The following SYNDIG1 variants were observed in gnomAD, a reference collection of about 807,000 sequenced individuals.
The protein encoded by SYNDIG1 is synapse differentiation inducing 1, also known as synapse differentiation-inducing gene protein 1.
SYNDIG1 carries 9 observed loss-of-function variants against 19.4 expected under a neutral mutation model. That is an observed-to-expected ratio of 0.46 (90% CI 0.28 to 0.81). The LOEUF (loss-of-function observed/expected upper bound fraction) is 0.81. Among genes scored for constraint, SYNDIG1 ranks in the 30% least tolerant of loss-of-function variants. SYNDIG1 has a pLI of 0.12. For missense variants in SYNDIG1, 311 were observed against 343.3 expected, an observed-to-expected ratio of 0.91 and a Z score of 0.74; for synonymous variants, 141 against 145.9, an observed-to-expected ratio of 0.97 and a Z score of 0.24.
chr20:24,557,282 T>C (rs1297363820), intron 2 of SYNDIG1, among the ~76,000 whole-genome samples: 1 of 152,236 alleles, frequency 6.6e-6, no homozygotes, highest in Non-Finnish European at 1.5e-5. Flanking sequence ...GGTTTGATCA[T>C]CTGAAGCCTT....
Position 24,543,323 on chromosome 20 carries a change from C to G in SYNDIG1, c.226C>G (p.Pro76Ala), listed in dbSNP as rs748359959. The G allele has an allele frequency of 6.2e-7, 1 of 1,613,490 alleles. No individual in the cohort carries two copies. Among genetic ancestry groups the G allele is most frequent in the Admixed American group, 1.7e-5 (1 of 60,008 alleles). ...RSEPMQQLLD[P>A]NTLQQSVESR... ...TGAGCCGATGCAGCAGCTGCTGGAC[C>G]CCAACACCCTGCAGCAGTCAGTGGA... Residue 76 changes from proline to alanine, a missense_variant, in exon 2 of 4, where the codon CCC becomes GCC. Coordinates refer to ENST00000376862, the MANE Select transcript of SYNDIG1 (RefSeq NM_024893.3).
chr20:24,630,727 G>A lies in SYNDIG1; in HGVS notation c.619-34619G>A, dbSNP rs73345391. ...CATCCTCAGAACTTGTCAGACCTTC[G>A]TCCACTGTCGCCTGGCTGCCCTTGG... On this transcript the variant is annotated intron_variant, in intron 3 of 3. Coordinates refer to ENST00000376862, the MANE Select transcript of SYNDIG1 (RefSeq NM_024893.3). Among the ~76,000 whole-genome samples, 1,407 of 152,286 alleles carry A rather than the reference G, an allele frequency of 9.2e-3. 28 individuals are homozygous for A. Among genetic ancestry groups the A allele is most frequent in the African/African-American group, 0.032 (1,326 of 41,552 alleles).
At chr20:24,626,495 G>T (rs539420397) in intron 3 of SYNDIG1, among the ~76,000 whole-genome samples, 1 of 151,792 alleles carries the variant, frequency 6.6e-6, no homozygotes, top group Non-Finnish European at 1.5e-5. Flanking sequence ...GGGCAGAGAC[G>T]CTTCTCACTT....
intron 2 of SYNDIG1, among the ~76,000 whole-genome samples, chr20:24,566,994 C>A (rs1487424175): frequency 6.6e-6 from 1 of 152,168 alleles, no homozygotes; most frequent in African/African-American, 2.4e-5. Flanking sequence ...CCTTCTCTAG[C>A]CACATGGCCT....
chr20:24,640,045 C>T (rs143600779), intron 3 of SYNDIG1, among the ~76,000 whole-genome samples: 1,553 of 152,234 alleles, frequency 0.01, 14 homozygotes, highest in Middle Eastern at 0.02. Flanking sequence ...AAGAAATAAG[C>T]TCTTCTGGCC....
chr20:24,626,785 C>T (rs1485409700), intron 3 of SYNDIG1, among the ~76,000 whole-genome samples: 1 of 152,264 alleles, frequency 6.6e-6, no homozygotes, highest in Non-Finnish European at 1.5e-5. Flanking sequence ...GCCTGGGCAC[C>T]ATTGAGCACT....
chr20:24,556,154 C>T (rs1419603623), intron 2 of SYNDIG1, among the ~76,000 whole-genome samples: 1 of 152,002 alleles, frequency 6.6e-6, no homozygotes, highest in Non-Finnish European at 1.5e-5. Flanking sequence ...TTTCCATTTG[C>T]TTGGTAGATC....
intron 1 of SYNDIG1, among the ~76,000 whole-genome samples, chr20:24,498,519 C>T (rs957230415): frequency 2.0e-5 from 3 of 152,154 alleles, no homozygotes; most frequent in South Asian, 2.1e-4. Flanking sequence ...TCCCATCTCC[C>T]GTTCCCTGCC....
intron 1 of SYNDIG1, among the ~76,000 whole-genome samples, chr20:24,523,555 A>G (rs1216463356): frequency 6.6e-6 from 1 of 152,208 alleles, no homozygotes; most frequent in African/African-American, 2.4e-5. Context: ...TTGCCTCTGT[A>G]TTCAGCTCCT....
At chr20:24,573,786 G>A (rs751284594) in intron 2 of SYNDIG1, among the ~76,000 whole-genome samples, 14 of 152,214 alleles carry the variant, frequency 9.2e-5, no homozygotes, top group Non-Finnish European at 1.8e-4. Flanking sequence ...TCTCATGGTC[G>A]TGTTCCACAT....
At chr20:24,608,948 G>A (rs142541925) in intron 3 of SYNDIG1, among the ~76,000 whole-genome samples, 175 of 152,354 alleles carry the variant, frequency 1.1e-3, no homozygotes, top group Non-Finnish European at 2.0e-3. Context: ...TCACATGTAT[G>A]TTGGTGCAAG....
chr20:24,555,173 C>A (rs569557948), intron 2 of SYNDIG1, among the ~76,000 whole-genome samples: 1 of 152,012 alleles, frequency 6.6e-6, no homozygotes. Context: ...TTTTTTATTG[C>A]ATCTATTTGA....
At chr20:24,501,456 A>C (rs2056452570) in intron 1 of SYNDIG1, among the ~76,000 whole-genome samples, 1 of 152,114 alleles carries the variant, frequency 6.6e-6, no homozygotes, top group Non-Finnish European at 1.5e-5. Context: ...CTTCAAGCTT[A>C]TTTCAGGCCC....
intron 1 of SYNDIG1, among the ~76,000 whole-genome samples, chr20:24,524,194 G>A (rs2057066837): frequency 6.6e-6 from 1 of 152,134 alleles, no homozygotes; most frequent in African/African-American, 2.4e-5. Flanking sequence ...GCCTGTCCAT[G>A]TGCATGGTTT....
intron 3 of SYNDIG1, among the ~76,000 whole-genome samples, chr20:24,623,700 G>C (rs2059074045): frequency 6.6e-6 from 1 of 152,056 alleles, no homozygotes; most frequent in Non-Finnish European, 1.5e-5. Context: ...TTATTCGAGG[G>C]TAAATTTAGA....
chr20:24,543,274 G>A lies in SYNDIG1; in HGVS notation c.177G>A (p.Pro59=), dbSNP rs752446904. 6.3e-5 allele frequency: 101 copies of A among 1,613,492 alleles called. No individual in the cohort carries two copies. Among genetic ancestry groups the A allele is most frequent in the South Asian group, 7.7e-5 (7 of 91,080 alleles). ...ACCGGGTGGGGGCCAGCACAGTGCC[G>A]GCCAGCCTGGACAGCAGCAGGAGTG... The part of the protein sequence containing the change: ...QSHRVGASTV[P]ASLDSSRSEP... The change falls in exon 2 of 4, where the codon CCG becomes CCA. Residue 59 remains proline (P), a synonymous_variant. Transcript: ENST00000376862.
intron 2 of SYNDIG1, among the ~76,000 whole-genome samples, chr20:24,568,098 G>A (rs959305490): frequency 1.3e-5 from 2 of 152,110 alleles, no homozygotes; most frequent in African/African-American, 4.8e-5. Context: ...TTGAGATCGC[G>A]CTATTGCACT....
At chr20:24,661,404 G>GGGAGGAGGGAA (rs2059588816) in intron 3 of SYNDIG1, among the ~76,000 whole-genome samples, 4 of 15,992 alleles carry the variant, frequency 2.5e-4, no homozygotes, top group East Asian at 2.3e-3. Flanking sequence ...GGAGGAGGTA[G>GGGAGGAGGGAA]GAAAGAAGGA....
chr20:24,522,748 A>C (rs558734393), intron 1 of SYNDIG1, among the ~76,000 whole-genome samples: 7 of 152,172 alleles, frequency 4.6e-5, no homozygotes, highest in Non-Finnish European at 7.3e-5. Flanking sequence ...TGTAGGCTGT[A>C]CAAGCATGGT....
Sources: allele counts gnomAD v4.1 joint callset (sites outside exome capture counted in the v4.1 genomes callset), GRCh38; gene constraint gnomAD v4.1.1; transcripts MANE v1.5; gene names NCBI Gene and HGNC (gene_info 2026-07-23, HGNC 2026-07-21).